The following CCDC187 variants were observed in gnomAD, a reference collection of about 807,000 sequenced individuals.
The protein encoded by CCDC187 is coiled-coil domain containing 187.
A neutral mutation model predicts 38.0 loss-of-function variants in CCDC187; 32 were observed. The ratio of observed to expected loss-of-function variants is 0.84; its 90% CI spans 0.64 to 1.13. The LOEUF (loss-of-function observed/expected upper bound fraction) is 1.13, where lower values mean the gene tolerates loss of function less well. CCDC187 is among the 50% of genes most tolerant of loss of function. The pLI, the probability that CCDC187 is intolerant of heterozygous loss-of-function variation, is 0.00. For synonymous variants in CCDC187, 333 were observed against 347.9 expected, an observed-to-expected ratio of 0.96 and a Z score of 0.48; for missense variants, 707 against 786.8, an observed-to-expected ratio of 0.90 and a Z score of 1.21.
upstream of CCDC187, among the ~76,000 whole-genome samples, chr9:136,306,123 G>A (rs1831801310): frequency 6.6e-6 from 1 of 152,214 alleles, no homozygotes; most frequent in African/African-American, 2.4e-5. Flanking sequence ...CTCCAAGAAG[G>A]CCACTGGGCA....
At chr9:136,274,111 A>T (rs1830886557) in intron 14 of CCDC187, among the ~76,000 whole-genome samples, 1 of 152,232 alleles carries the variant, frequency 6.6e-6, no homozygotes, top group African/African-American at 2.4e-5. Context: ...GCCTGGAACC[A>T]GGGAGGGGTT....
At chr9:136,293,518 C>T (rs1831432749) in intron 4 of CCDC187, among the ~76,000 whole-genome samples, 1 of 80,222 alleles carries the variant, frequency 1.2e-5, no homozygotes, top group Non-Finnish European at 2.7e-5. Context: ...AACACACATG[C>T]TCACATACAC....
chr9:136,279,760 G>A (rs1415722484), intron 10 of CCDC187, among the ~76,000 whole-genome samples: 1 of 152,242 alleles, frequency 6.6e-6, no homozygotes, highest in East Asian at 1.9e-4. Flanking sequence ...TTGAACATTT[G>A]TCCCTCCTCA....
chr9:136,293,465 T>TCA (rs1186477613), intron 4 of CCDC187, among the ~76,000 whole-genome samples: 11,272 of 48,072 alleles, frequency 0.23, 635 homozygotes, highest in East Asian at 0.36. Context: ...ACACTCACAC[T>TCA]CACATGCTCA....
Position 136,286,470 on chromosome 9 carries a change from G to A in CCDC187, c.2448C>T (p.His816=), listed in dbSNP as rs1006319712. ...GCAGCTGCGCCTGCTTATGCCGGAG[G>A]TGCAGGGAGCTGGAAGTGCCCAGGT... ...AEHLGTSSSL[H]LRHKQAQLQA... is the part of the protein sequence containing the mutation. The change falls in exon 8 of 26, where the codon CAC becomes CAT. Residue 816 remains histidine (H), a synonymous_variant. Transcript: ENST00000638797. The A allele has an allele frequency of 7.0e-5, 28 of 398,652 alleles. No homozygotes were observed. Among genetic ancestry groups the A allele is most frequent in the African/African-American group, 4.1e-4 (20 of 48,652 alleles). 24.7% of individuals were successfully genotyped at this position (398,652 alleles called of 1,614,324 possible). A position where few individuals can be genotyped will look rare whatever the true frequency, so the allele number is the denominator to read the frequency against.
rs1242560298 is a variant in CCDC187, at chr9:136,302,894, G to A, written c.543C>T (p.Ser181=). 3 of 398,606 alleles carry A rather than the reference G, an allele frequency of 7.5e-6. No individual in the cohort carries two copies. The Admixed American group carries it at 1.3e-4, about 18-fold the overall frequency. 24.7% of individuals were successfully genotyped at this position (398,606 alleles called of 1,614,324 possible). A position where few individuals can be genotyped will look rare whatever the true frequency, so the allele number is the denominator to read the frequency against. The part of the protein sequence containing the change: ...SLGTSAPSSA[S]RLHKASTLML... ...TCAGCGTGGAGGCTTTGTGGAGTCT[G>A]GAGGCGCTGGAGGGGGCTGAGGTGC... The change falls in exon 2 of 26, where the codon TCC becomes TCT. Residue 181 remains serine, a synonymous_variant. Transcript: ENST00000638797.
chr9:136,269,086 G>C (rs1353374144), intron 14 of CCDC187, among the ~76,000 whole-genome samples: 3 of 152,198 alleles, frequency 2.0e-5, no homozygotes, highest in Non-Finnish European at 4.4e-5. Context: ...ATGGATGAAT[G>C]CGTGTCAAGA....
chr9:136,299,441 G>C (rs933109533), intron 3 of CCDC187, among the ~76,000 whole-genome samples: 1 of 152,146 alleles, frequency 6.6e-6, no homozygotes, highest in Non-Finnish European at 1.5e-5. Flanking sequence ...TGCTGAGCCC[G>C]AAACGCCTCC....
chr9:136,302,864 A>G lies in CCDC187; in HGVS notation c.573T>C (p.Leu191=). The change falls in exon 2 of 26, where the codon CTT becomes CTC. Residue 191 remains leucine (L), a synonymous_variant. Coordinates refer to ENST00000638797, the MANE Select transcript of CCDC187 (RefSeq NM_001378188.1). ...TTTTTGCCTCTTGGCCTTTCCTCCT[A>G]AGCATCAGCGTGGAGGCTTTGTGGA... ...SRLHKASTLM[L]RRKGQEAKNP... is the part of the protein sequence containing the mutation. 2.5e-6 allele frequency: 1 copy of G among 398,622 alleles called. No individual in the cohort carries two copies. Among genetic ancestry groups the G allele is most frequent in the Non-Finnish European group, 4.4e-6 (1 of 226,122 alleles). The allele number at this position is 398,622 out of a possible 1,614,324, so 24.7% of individuals were successfully genotyped here.
Position 136,258,605 on chromosome 9 carries a change from G to A in CCDC187, c.4366+327C>T, listed in dbSNP as rs1028385684. The A allele has an allele frequency of 4.6e-5, 35 of 760,768 alleles. No individual in the cohort carries two copies. Among genetic ancestry groups the A allele is most frequent in the Admixed American group, 1.3e-4 (2 of 15,984 alleles). The allele number at this position is 760,768 out of a possible 1,614,324, so 47.1% of individuals were successfully genotyped here. ...AAATGTAATCGGTGCAGAAACCTCC[G>A]TCAGCTGAAGACGCTCAGGCAGTGC... On this transcript the variant is annotated intron_variant, in intron 22 of 25. Coordinates refer to ENST00000638797, the MANE Select transcript of CCDC187 (RefSeq NM_001378188.1). The surrounding 1 kb of genome is among the most constrained non-coding windows in gnomAD (Gnocchi z 4.3).
At position 136,264,712 on chromosome 9, in the gene CCDC187, A is replaced by G. The variant is rs1830724244; in HGVS notation, c.3736-914T>C. Among the ~76,000 whole-genome samples the G allele has an allele frequency of 6.6e-6, 1 of 150,522 alleles. No individual in the cohort carries two copies. Among genetic ancestry groups the G allele is most frequent in the Non-Finnish European group, 1.5e-5 (1 of 67,688 alleles). On this transcript the variant is annotated intron_variant, in intron 17 of 25. Coordinates refer to ENST00000638797, the MANE Select transcript of CCDC187 (RefSeq NM_001378188.1). This position sits in a 1 kb window ranked among gnomAD's most constrained non-coding sequence, Gnocchi z 4.3. ...CAACATAAGGTCCTGCACTGACCCCATTTCCCAGCAGAGGGTCGTGGGCAA... is the reference window on the plus strand; with the variant it reads ...CAACATAAGGTCCTGCACTGACCCCGTTTCCCAGCAGAGGGTCGTGGGCAA...
intron 4 of CCDC187, among the ~76,000 whole-genome samples, chr9:136,293,429 A>ACT (rs1276674133): frequency 0.06 from 6,742 of 111,938 alleles, 352 homozygotes; most frequent in South Asian, 0.093. Flanking sequence ...ACATACTCTC[A>ACT]CATGCTCACA....
intron 9 of CCDC187, 95 bp downstream of exon 9, chr9:136,285,418 C>T (rs965628259): frequency 1.2e-5 from 5 of 402,984 alleles, no homozygotes; most frequent in Admixed American, 8.9e-5. Context: ...AGCCCGTGAG[C>T]GTGGGCGGGC....
chr9:136,262,545 G>A, intron 18 of CCDC187, 83 bp from the exon 19 acceptor site: 1 of 979,860 alleles, frequency 1.0e-6, no homozygotes, highest in Non-Finnish European at 1.2e-6. Context: ...TCACGTGGCT[G>A]TGGCTGTGGC....
At chr9:136,273,981 A>C (rs1053871757) in intron 14 of CCDC187, among the ~76,000 whole-genome samples, 3 of 152,182 alleles carry the variant, frequency 2.0e-5, no homozygotes, top group African/African-American at 7.2e-5. Flanking sequence ...TTGCTGACAC[A>C]CATCACACGA....
intron 19 of CCDC187, among the ~76,000 whole-genome samples, chr9:136,260,764 C>T (rs1424610993): frequency 6.6e-6 from 1 of 152,210 alleles, no homozygotes; most frequent in African/African-American, 2.4e-5. Flanking sequence ...CCCGGATTCA[C>T]AGATGGTCCA....
At chr9:136,262,046 G>T (rs1300644596) in intron 19 of CCDC187, among the ~76,000 whole-genome samples, 6 of 152,264 alleles carry the variant, frequency 3.9e-5, no homozygotes, top group Non-Finnish European at 8.8e-5. Flanking sequence ...GGACAGTCCA[G>T]GCAGAGCCCT....
intron 18 of CCDC187, among the ~76,000 whole-genome samples, chr9:136,263,337 C>G (rs1830702734): frequency 6.6e-6 from 1 of 151,322 alleles, no homozygotes; most frequent in Non-Finnish European, 1.5e-5. Flanking sequence ...GGGGTTCATG[C>G]CATTCTCCTG....
rs1831176110 is a variant in CCDC187 at position 136,286,226 on chromosome 9, G to A, written c.2692C>T (p.Pro898Ser). The part of the protein sequence containing the change: ...ALGPNWGRGA[P>S]GEWVSMQPQP... ...GGCTGCATGCTCACCCACTCCCCAG[G>A]TGCCCCTCTGCCCCAGTTGGGCCCC... The change falls in exon 8 of 26, where the codon CCT becomes TCT. Residue 898 changes from proline to serine, a missense_variant. By Grantham distance (74) the Pro-to-Ser change is moderately conservative. Coordinates refer to ENST00000638797, the MANE Select transcript of CCDC187 (RefSeq NM_001378188.1). 2.5e-6 allele frequency: 1 copy of A among 398,416 alleles called. No individual in the cohort carries two copies. The highest frequency in any genetic ancestry group is 2.1e-5 in the African/African-American group (1 of 48,638). 24.7% of individuals were successfully genotyped at this position (398,416 alleles called of 1,614,324 possible). A position where few individuals can be genotyped will look rare whatever the true frequency, so the allele number is the denominator to read the frequency against.
Sources: allele counts gnomAD v4.1 joint callset (sites outside exome capture counted in the v4.1 genomes callset), GRCh38; gene constraint gnomAD v4.1.1; non-coding constraint Gnocchi (gnomAD v3.1); transcripts MANE v1.5; gene names NCBI Gene and HGNC (gene_info 2026-07-23, HGNC 2026-07-21).